RRM2: variants seen among roughly 807,000 people sequenced by gnomAD.
The protein encoded by RRM2 is ribonucleotide reductase regulatory subunit M2, also known as ribonucleoside-diphosphate reductase subunit M2.
A neutral mutation model predicts 45.9 loss-of-function variants in RRM2; 6 were observed. The ratio of observed to expected loss-of-function variants is 0.13; its 90% CI spans 0.07 to 0.26. RRM2 has a LOEUF of 0.26. RRM2 is among the 10% of genes least tolerant of loss of function. The pLI is 1.00. For synonymous variants in RRM2, 177 were observed against 173.0 expected, an observed-to-expected ratio of 1.02 and a Z score of -0.18; for missense variants, 343 against 489.5, an observed-to-expected ratio of 0.70 and a Z score of 2.82.
intron 3 of RRM2, among the ~76,000 whole-genome samples, chr2:10,202,888 G>A (rs144996464): frequency 2.0e-3 from 305 of 151,768 alleles, no homozygotes; most frequent in Non-Finnish European, 3.2e-3. Flanking sequence ...GAGAGGCACT[G>A]TTCCCAGCCG....
rs371489594 is a variant in RRM2, at chr2:10,157,190, G to A, written n.482+14815G>A. On this transcript the variant is annotated intron_variant and non_coding_transcript_variant, in intron 3 of 3. Coordinates refer to the RRM2 transcript ENST00000381786. ...ACTACAGGCGCCCGCCACCGCGCCC[G>A]GCTAATTTTTTGTATTTTTAGTAGA... Among the ~76,000 whole-genome samples the A allele has an allele frequency of 9.2e-5, 14 of 152,002 alleles. No homozygotes were observed. The East Asian group carries it at 2.1e-3, about 23-fold the overall frequency.
intron 3 of RRM2, among the ~76,000 whole-genome samples, chr2:10,148,234 T>A (rs1663233152): frequency 6.6e-6 from 1 of 151,744 alleles, no homozygotes; most frequent in Non-Finnish European, 1.5e-5. Context: ...GTTTAATGTA[T>A]CATTTCTAAA....
chr2:10,159,297 G>A (rs1344974866), intron 3 of RRM2, among the ~76,000 whole-genome samples: 1 of 152,182 alleles, frequency 6.6e-6, no homozygotes, highest in Admixed American at 6.5e-5. Flanking sequence ...AGAGGGATCC[G>A]AGGAGGTGAC....
upstream of RRM2, among the ~76,000 whole-genome samples, chr2:10,138,805 C>T (rs964013666): frequency 6.6e-6 from 1 of 152,110 alleles, no homozygotes; most frequent in South Asian, 2.1e-4. Context: ...TCAGTTTGCC[C>T]ATCTAAAGGG....
At chr2:10,177,944 C>T (rs1422394466) in intron 3 of RRM2, among the ~76,000 whole-genome samples, 4 of 144,320 alleles carry the variant, frequency 2.8e-5, no homozygotes, top group Admixed American at 7.0e-5. Flanking sequence ...TTTCTTTAGA[C>T]GGAGTCTCGC....
chr2:10,123,394 A>G lies in RRM2; in HGVS notation c.182A>G (p.Lys61Arg). 6.2e-7 allele frequency: 1 copy of G among 1,602,436 alleles called. No individual in the cohort carries two copies. Among genetic ancestry groups the G allele is most frequent in the Non-Finnish European group, 8.5e-7 (1 of 1,177,004 alleles). The change falls in exon 3 of 10, where the codon AAA becomes AGA. Residue 61 changes from lysine to arginine, a missense_variant. This residue lies in a region of RRM2 where 131 missense variants were observed against 121.4 expected (regional missense o/e 1.08). Coordinates refer to ENST00000304567, the MANE Select transcript of RRM2 (RefSeq NM_001034.4). The part of the protein sequence containing the change: ...IFQEPTEPKT[K>R]AAAPGVEDEP... ...TATTTTCTCCCCCAACAGAAAACTA[A>G]AGCAGCTGCCCCCGGCGTGGAGGAT...
chr2:10,206,661 C>A (rs889420222), intron 3 of RRM2, among the ~76,000 whole-genome samples: 3 of 152,292 alleles, frequency 2.0e-5, no homozygotes, highest in African/African-American at 4.8e-5. Flanking sequence ...AGATCAGGAA[C>A]CATAACAATT....
chr2:10,189,013 C>T (rs888589109), intron 3 of RRM2, among the ~76,000 whole-genome samples: 2 of 152,184 alleles, frequency 1.3e-5, no homozygotes, highest in Non-Finnish European at 2.9e-5. Flanking sequence ...TCCCACACAT[C>T]AATCACTCAG....
intron 3 of RRM2, among the ~76,000 whole-genome samples, chr2:10,166,776 G>A (rs571667724): frequency 2.0e-5 from 3 of 152,172 alleles, no homozygotes; most frequent in East Asian, 1.9e-4. Context: ...GCTGAGCGGC[G>A]ATGGAACAGG....
At chr2:10,200,237 A>C (rs965458888) in intron 3 of RRM2, among the ~76,000 whole-genome samples, 1 of 152,246 alleles carries the variant, frequency 6.6e-6, no homozygotes, top group African/African-American at 2.4e-5. Flanking sequence ...ATTTGAGATA[A>C]GACCTTTTTA....
rs1315990887 is a variant in RRM2 at position 10,149,131 on chromosome 2, T to A, written n.482+6756T>A. Among the ~76,000 whole-genome samples, 4 of 141,188 alleles carry A rather than the reference T, an allele frequency of 2.8e-5. No homozygotes were observed. In the East Asian group the frequency reaches 7.8e-4, roughly 28 times the overall value. The allele number at this position is 141,188 out of a possible 152,430, so 92.6% of individuals were successfully genotyped here. On this transcript the variant is annotated intron_variant and non_coding_transcript_variant, in intron 3 of 3. Coordinates refer to the RRM2 transcript ENST00000381786. ...TTCTGGAGAGGATTGCTGTATTCAT[T>A]TTTTTTTTTTTTTTCGAGATGGAGT...
intron 3 of RRM2, among the ~76,000 whole-genome samples, chr2:10,168,036 GTTTTT>G (rs746974999): frequency 1.5e-5 from 2 of 134,450 alleles, no homozygotes; most frequent in Admixed American, 7.4e-5. Context: ...AGGCTTTTCT[GTTTTT>G]TTTTTTTTTT....
Position 10,161,698 on chromosome 2 carries a change from A to G in RRM2, n.482+19323A>G, listed in dbSNP as rs1663560750. On this transcript the variant is annotated intron_variant and non_coding_transcript_variant, in intron 3 of 3. Coordinates refer to the RRM2 transcript ENST00000381786. ...CACACATTCACACACACACACACAC[A>G]TTCACATGCATGCTTTAACTCGAGG... Among the ~76,000 whole-genome samples, 5 of 151,902 alleles carry G rather than the reference A, an allele frequency of 3.3e-5. No homozygotes were observed. The South Asian group carries it at 1.0e-3, about 32-fold the overall frequency.
rs377078846 is a variant in RRM2 at position 10,154,275 on chromosome 2, A to G, written n.482+11900A>G. On this transcript the variant is annotated intron_variant and non_coding_transcript_variant, in intron 3 of 3. Transcript: ENST00000381786. ...GATCGCTTGAGGTCAGGGGTTCTAG[A>G]CCAGCCTGGCCAACATAGCGAGACC... 5.8e-4 allele frequency among the ~76,000 whole-genome samples: 88 copies of G among 152,242 alleles called. 1 individual carries two copies. Among genetic ancestry groups the G allele is most frequent in the African/African-American group, 2.1e-3 (88 of 41,546 alleles).
intron 4 of RRM2, among the ~76,000 whole-genome samples, chr2:10,124,316 GGCTGGTCTCGAACT>G (rs1662734994): frequency 6.6e-6 from 1 of 152,142 alleles, no homozygotes; most frequent in South Asian, 2.1e-4. Flanking sequence ...ATGTTGGCCA[GGCTGGTCTCGAACT>G]GCTGACCTCA....
chr2:10,133,557 AGT>A (rs1345351706), downstream of RRM2, among the ~76,000 whole-genome samples: 1 of 152,164 alleles, frequency 6.6e-6, no homozygotes, highest in Admixed American at 6.5e-5. Context: ...CTCATCCGTG[AGT>A]GGCTGCAGTT....
chr2:10,136,121 C>T (rs558286338), downstream of RRM2, among the ~76,000 whole-genome samples: 1 of 152,188 alleles, frequency 6.6e-6, no homozygotes, highest in Admixed American at 6.5e-5. Flanking sequence ...CCGGGCAGCA[C>T]CACCAAAGTG....
chr2:10,129,865 CCAATTCA>C lies in RRM2; in HGVS notation c.*488_*494del, dbSNP rs1241783878. ...ACATTCTCCTGACCACTAATGGGAGCCAATTCACAATTCACTAAGTGACTAAAGTAAG... is the reference window on the plus strand; with the variant it reads ...ACATTCTCCTGACCACTAATGGGAGCCAATTCACTAAGTGACTAAAGTAAG... On this transcript the variant is annotated 3_prime_UTR_variant, in exon 10 of 10. Coordinates refer to ENST00000304567, the MANE Select transcript of RRM2 (RefSeq NM_001034.4). This position sits in a 1 kb window ranked among gnomAD's most constrained non-coding sequence, Gnocchi z 4.8. 6.5e-6 allele frequency: 1 copy of C among 153,714 alleles called. No individual in the cohort carries two copies. Among genetic ancestry groups the C allele is most frequent in the Admixed American group, 6.5e-5 (1 of 15,342 alleles). 9.5% of individuals were successfully genotyped at this position (153,714 alleles called of 1,614,324 possible). A position where few individuals can be genotyped will look rare whatever the true frequency, so the allele number is the denominator to read the frequency against.
intron 5 of RRM2, chr2:10,126,435 G>C: frequency 6.2e-6 from 1 of 160,652 alleles, no homozygotes; most frequent in East Asian, 1.8e-4. Flanking sequence ...TTATGATATA[G>C]GTGTGGCAAC....
Sources: gnomAD v4.1 joint callset for allele counts (sites outside exome capture counted in the v4.1 genomes callset) on GRCh38, gnomAD v4.1.1 for gene constraint, gnomAD v4.1.1 regional missense constraint, Gnocchi (gnomAD v3.1) non-coding constraint, MANE v1.5 for transcripts, NCBI Gene and HGNC (gene_info 2026-07-23, HGNC 2026-07-21) for gene names.